Variants in MAP3K10 observed in about 807,000 individuals in gnomAD.
MAP3K10 encodes mitogen-activated protein kinase kinase kinase 10, also known as MKN28 derived nonreceptor_type serine/threonine kinase.
Under a neutral mutation model 75.0 loss-of-function variants are expected in MAP3K10, and 22 were observed. That is an observed-to-expected ratio of 0.29 (90% confidence interval 0.21 to 0.42). MAP3K10 has a LOEUF of 0.42. Among genes scored for constraint, MAP3K10 ranks in the 10% least tolerant of loss-of-function variants. The pLI, the probability that MAP3K10 is intolerant of heterozygous loss-of-function variation, is 1.00. For synonymous variants in MAP3K10, 599 were observed against 612.9 expected (o/e 0.98, Z 0.34); for missense variants, 1,165 against 1,379.8 (o/e 0.84, Z 2.47).
In MAP3K10 at chr19:40,204,411, C is replaced by T. The variant is rs1973077081; in HGVS notation, c.864-74C>T. On this transcript the variant is annotated intron_variant, in intron 2 of 9. Coordinates refer to ENST00000253055, the MANE Select transcript of MAP3K10 (RefSeq NM_002446.4). This position sits in a 1 kb window ranked among gnomAD's most constrained non-coding sequence, Gnocchi z 4.3. ...GGGGTGAGGGCAGCCCTGCATGGGA[C>T]CAAGGGCAGGGCTGGGTATAGGTGA... 6.5e-7 allele frequency: 1 copy of T among 1,528,854 alleles called. No individual in the cohort carries two copies. 94.7% of individuals were successfully genotyped at this position (1,528,854 alleles called of 1,614,324 possible).
intron 1 of MAP3K10, among the ~76,000 whole-genome samples, chr19:40,195,945 G>A (rs1489624195): frequency 2.6e-5 from 4 of 152,268 alleles, no homozygotes; most frequent in African/African-American, 9.6e-5. Context: ...AAGTAGCCAG[G>A]AATGGCAAAA....
rs199529313 is a variant in MAP3K10 at position 40,204,482 on chromosome 19, C to T, written c.864-3C>T. 162 of 1,612,100 alleles carry T rather than the reference C, an allele frequency of 1.0e-4. No individual in the cohort carries two copies. The African/African-American group carries it at 1.9e-3, about 19-fold the overall frequency. Reference sequence around the variant, plus strand: ...ATCACCCCTCCCTCTCCCCTGCCTGCAGCTTCGGGGTGCTGCTGTGGGAGC... The same window carrying T: ...ATCACCCCTCCCTCTCCCCTGCCTGTAGCTTCGGGGTGCTGCTGTGGGAGC... On this transcript the variant is annotated splice_region_variant and splice_polypyrimidine_tract_variant and intron_variant, in intron 2 of 9. Coordinates refer to ENST00000253055, the MANE Select transcript of MAP3K10 (RefSeq NM_002446.4). The surrounding 1 kb of genome is among the most constrained non-coding windows in gnomAD (Gnocchi z 4.3).
rs926849000 is a variant in MAP3K10, at chr19:40,213,121, C to T, written c.1770C>T (p.Ala590=). The T allele has an allele frequency of 6.2e-7, 1 of 1,604,706 alleles. No homozygotes were observed. Among genetic ancestry groups the T allele is most frequent in the Admixed American group, 1.7e-5 (1 of 57,886 alleles). The change falls in exon 8 of 10, where the codon GCC becomes GCT. Residue 590 remains alanine, a synonymous_variant. Transcript: ENST00000253055. This position sits in a 1 kb window ranked among gnomAD's most constrained non-coding sequence, Gnocchi z 5.7. The part of the protein sequence containing the change: ...GEGSKQWSSS[A]PNLGKSPKHT... The stretch of plus-strand genomic sequence containing the variant: ...GAAGCAAACAGTGGTCATCAAGTGC[C>T]CCCAACCTGGGCAAGTCCCCCAAAC...
At position 40,212,767 on chromosome 19, in the gene MAP3K10, T is replaced by C. The variant is rs2145097113; in HGVS notation, c.1553-38T>C. 1.3e-6 allele frequency: 2 copies of C among 1,564,446 alleles called. No individual in the cohort carries two copies. The highest frequency in any genetic ancestry group is 1.7e-6 in the Non-Finnish European group (2 of 1,155,770). On this transcript the variant is annotated intron_variant, in intron 6 of 9. Coordinates refer to ENST00000253055, the MANE Select transcript of MAP3K10 (RefSeq NM_002446.4). This position sits in a 1 kb window ranked among gnomAD's most constrained non-coding sequence, Gnocchi z 4.2. ...AGGCTGGGAGCCCAGTGGGGACAGA[T>C]CCTCCACCCAGTAACCAAGTGGCTT...
chr19:40,207,308 G>T (rs955030532), intron 5 of MAP3K10, among the ~76,000 whole-genome samples: 2 of 151,964 alleles, frequency 1.3e-5, no homozygotes, highest in African/African-American at 4.8e-5. Flanking sequence ...CTCTTTCTGT[G>T]ATGTTACAAG....
At chr19:40,207,523 G>T (rs1054372181) in intron 5 of MAP3K10, among the ~76,000 whole-genome samples, 5 of 152,104 alleles carry the variant, frequency 3.3e-5, no homozygotes, top group South Asian at 2.1e-4. Flanking sequence ...ATCACCTGAG[G>T]TCAGGAGTTT....
At chr19:40,195,893 G>T (rs1972896139) in intron 1 of MAP3K10, among the ~76,000 whole-genome samples, 1 of 152,150 alleles carries the variant, frequency 6.6e-6, no homozygotes, top group Non-Finnish European at 1.5e-5. Context: ...TGCCAAATGG[G>T]CATGATAGTA....
Position 40,214,022 on chromosome 19 carries a change from CGCGCCCACACCCACGCCCTCG to C in MAP3K10, c.2344_2364del (p.Ala782_Ser788del). On this transcript the variant is annotated inframe_deletion, in exon 9 of 10. Transcript: ENST00000253055. ...CGCCCTCCCCACCACCCTCCCCGCC[CGCGCCCACACCCACGCCCTCG>C]CCCAGCACCAACCCCCTGGTGGACC... is the stretch of plus-strand genomic sequence containing the variant. 3.3e-6 allele frequency: 5 copies of C among 1,513,122 alleles called. No individual in the cohort carries two copies. Among genetic ancestry groups the C allele is most frequent in the African/African-American group, 1.4e-5 (1 of 71,092 alleles). The allele number at this position is 1,513,122 out of a possible 1,614,324, so 93.7% of individuals were successfully genotyped here.
rs1973288852 is a variant in MAP3K10 at position 40,213,785 on chromosome 19, G to A, written c.2106G>A (p.Gln702=). The A allele has an allele frequency of 8.1e-7, 1 of 1,228,022 alleles. No homozygotes were observed. The highest frequency in any genetic ancestry group is 4.4e-5 in the East Asian group (1 of 22,626). 76.1% of individuals were successfully genotyped at this position (1,228,022 alleles called of 1,614,324 possible). The change falls in exon 9 of 10, where the codon CAG becomes CAA. Residue 702 remains glutamine (Q), a synonymous_variant. Transcript: ENST00000253055. This position sits in a 1 kb window ranked among gnomAD's most constrained non-coding sequence, Gnocchi z 5.7. ...AEARAADGEE[Q]RRWLDGLFFP... is the part of the protein sequence containing the mutation. ...CGCGCGCGGCCGACGGTGAGGAGCAGCGGCGCTGGCTCGACGGCCTCTTCT... is the reference window on the plus strand; with the variant it reads ...CGCGCGCGGCCGACGGTGAGGAGCAACGGCGCTGGCTCGACGGCCTCTTCT...
At position 40,213,829 on chromosome 19, in the gene MAP3K10, T is replaced by G. The variant is rs1413862776; in HGVS notation, c.2150T>G (p.Phe717Cys). Reference sequence around the variant, plus strand: ...CTCTTCTTTCCCCGCGCCGGCCGCTTCCCGCGGGGCCTCAGCCCACCCGCG... The same window carrying G: ...CTCTTCTTTCCCCGCGCCGGCCGCTGCCCGCGGGGCCTCAGCCCACCCGCG... ...DGLFFPRAGRFPRGLSPPARP... is the reference protein window; with the variant it reads ...DGLFFPRAGRCPRGLSPPARP... Residue 717 changes from phenylalanine (F) to cysteine (C), a missense_variant, in exon 9 of 10, where the codon TTC becomes TGC. Phe to Cys is a radical substitution (Grantham distance 205). Around this residue, in one of 2 missense-constraint regions of MAP3K10, gnomAD observed 590 missense variants for 586.6 expected, o/e 1.01. Coordinates refer to ENST00000253055, the MANE Select transcript of MAP3K10 (RefSeq NM_002446.4). This position sits in a 1 kb window ranked among gnomAD's most constrained non-coding sequence, Gnocchi z 5.7. 6.8e-6 allele frequency: 9 copies of G among 1,320,408 alleles called. No individual in the cohort carries two copies. The highest frequency in any genetic ancestry group is 2.9e-6 in the Non-Finnish European group (3 of 1,034,630). 81.8% of individuals were successfully genotyped at this position (1,320,408 alleles called of 1,614,324 possible). A position where few individuals can be genotyped will look rare whatever the true frequency, so the allele number is the denominator to read the frequency against.
chr19:40,209,266 A>G (rs936040883), intron 6 of MAP3K10, 47 bp downstream of exon 6: 4 of 1,498,868 alleles, frequency 2.7e-6, no homozygotes, highest in Non-Finnish European at 3.7e-6. Context: ...CAGTGAACAA[A>G]CATTTTTTAG....
Position 40,209,086 on chromosome 19 carries a change from T to C in MAP3K10, c.1436-17T>C. ...CTGGAACCATTTGCTTAGGAAAGCT[T>C]CTCTTTCTTTCTGCAGGCTTTGAGC... On this transcript the variant is annotated splice_polypyrimidine_tract_variant and intron_variant, in intron 5 of 9. Coordinates refer to ENST00000253055, the MANE Select transcript of MAP3K10 (RefSeq NM_002446.4). 6.3e-7 allele frequency: 1 copy of C among 1,584,720 alleles called. No homozygotes were observed. Among genetic ancestry groups the C allele is most frequent in the East Asian group, 2.2e-5 (1 of 44,738 alleles).
rs1973100564 is a variant in MAP3K10, at chr19:40,205,385, C to T, written c.1188+89C>T. 2.1e-6 allele frequency: 3 copies of T among 1,417,394 alleles called. 1 individual carries two copies. In the South Asian group the frequency reaches 3.8e-5, roughly 18 times the overall value. The allele number at this position is 1,417,394 out of a possible 1,614,324, so 87.8% of individuals were successfully genotyped here. A position where few individuals can be genotyped will look rare whatever the true frequency, so the allele number is the denominator to read the frequency against. ...GCTCAGAGACTCCTCCCCTGAACCC[C>T]AGCCTTTGGGTCCATGCAGGGTCAA... On this transcript the variant is annotated intron_variant, in intron 4 of 9. Transcript: ENST00000253055. This position sits in a 1 kb window ranked among gnomAD's most constrained non-coding sequence, Gnocchi z 4.3.
At chr19:40,214,637 T>A (rs1174376729) in intron 9 of MAP3K10, among the ~76,000 whole-genome samples, 1 of 152,188 alleles carries the variant, frequency 6.6e-6, no homozygotes, top group African/African-American at 2.4e-5. Context: ...GCACCATTTT[T>A]ATCCCCCTTC....
rs776756015 is a variant in MAP3K10 at position 40,215,294 on chromosome 19, G to T, written c.*2G>T. The T allele has an allele frequency of 1.3e-6, 2 of 1,537,446 alleles. No homozygotes were observed. Among genetic ancestry groups the T allele is most frequent in the African/African-American group, 1.4e-5 (1 of 71,992 alleles). The stretch of plus-strand genomic sequence containing the variant: ...TGCGGGGCCCACGGCTCCCACTAAG[G>T]CCTGCCCACCACCGCCCGCCTGGGC... On this transcript the variant is annotated 3_prime_UTR_variant, in exon 10 of 10. Transcript: ENST00000253055.
In MAP3K10 at chr19:40,205,835, C is replaced by T. The variant is rs562327728; in HGVS notation, c.1189-76C>T. 5.5e-5 allele frequency: 78 copies of T among 1,411,622 alleles called. No homozygotes were observed. In the African/African-American group the frequency reaches 7.5e-4, roughly 14 times the overall value. The allele number at this position is 1,411,622 out of a possible 1,614,324, so 87.4% of individuals were successfully genotyped here. On this transcript the variant is annotated intron_variant, in intron 4 of 9. Coordinates refer to ENST00000253055, the MANE Select transcript of MAP3K10 (RefSeq NM_002446.4). The surrounding 1 kb of genome is among the most constrained non-coding windows in gnomAD (Gnocchi z 4.3). ...ACCCTTGTGTGAGGCACCAACCAGA[C>T]GCAGCAGCCCTGGGTCCCTCCCCAG...
In MAP3K10 at chr19:40,205,309, G is replaced by A. The variant is rs1462935883; in HGVS notation, c.1188+13G>A. 2.5e-6 allele frequency: 4 copies of A among 1,613,604 alleles called. No individual in the cohort carries two copies. The East Asian group carries it at 6.7e-5, about 27-fold the overall frequency. On this transcript the variant is annotated intron_variant, in intron 4 of 9. Transcript: ENST00000253055. This position sits in a 1 kb window ranked among gnomAD's most constrained non-coding sequence, Gnocchi z 4.3. Reference sequence around the variant, plus strand: ...GACCAAGGAGAAGGTGAAGGCAGGGGGCAAGGTGGGAAAGATGGAGCAAGA... The same window carrying A: ...GACCAAGGAGAAGGTGAAGGCAGGGAGCAAGGTGGGAAAGATGGAGCAAGA...
intron 1 of MAP3K10, among the ~76,000 whole-genome samples, chr19:40,194,786 T>A (rs1449099983): frequency 6.6e-6 from 1 of 152,160 alleles, no homozygotes; most frequent in Non-Finnish European, 1.5e-5. Flanking sequence ...GCCTCAGCTC[T>A]GGGATTACAG....
Position 40,213,462 on chromosome 19 carries a change from C to A in MAP3K10, c.1838-55C>A. The A allele has an allele frequency of 6.3e-7, 1 of 1,589,634 alleles. No individual in the cohort carries two copies. Among genetic ancestry groups the A allele is most frequent in the Non-Finnish European group, 8.5e-7 (1 of 1,172,354 alleles). ...TCGGGGGCTGTCCCTTGGCACAAGT[C>A]CCCGTGGGGCCCTGGCCAGCCCTGC... On this transcript the variant is annotated intron_variant, in intron 8 of 9. Transcript: ENST00000253055. The surrounding 1 kb of genome is among the most constrained non-coding windows in gnomAD (Gnocchi z 5.7).
Sources: allele counts gnomAD v4.1 joint callset (sites outside exome capture counted in the v4.1 genomes callset), GRCh38; gene constraint gnomAD v4.1.1; regional missense constraint gnomAD v4.1.1; non-coding constraint Gnocchi (gnomAD v3.1); transcripts MANE v1.5; gene names NCBI Gene and HGNC (gene_info 2026-07-23, HGNC 2026-07-21).